Variants in RRAS2 observed in about 807,000 individuals in gnomAD.
RRAS2 encodes the protein ras-related protein R-Ras2.
RRAS2 carries 7 observed loss-of-function variants against 27.6 expected under a neutral mutation model. The observed-to-expected ratio is 0.25, with a 90% CI of 0.14 to 0.48. The LOEUF is 0.48. Among genes scored for constraint, RRAS2 ranks in the 20% least tolerant of loss-of-function variants. The pLI is 0.99. For synonymous variants in RRAS2, 86 were observed against 90.9 expected (o/e 0.95, Z 0.31); for missense variants, 178 against 256.2 (o/e 0.69, Z 2.08).
At chr11:14,279,595 T>A (rs1373655048) in intron 5 of RRAS2, among the ~76,000 whole-genome samples, 171 bp from the exon 6 acceptor site, 1 of 152,118 alleles carries the variant, frequency 6.6e-6, no homozygotes, top group Non-Finnish European at 1.5e-5. Context: ...CACAAACGCG[T>A]CAACACCAGC....
At position 14,346,804 on chromosome 11, in the gene RRAS2, T is replaced by C. The variant is rs1299801410; in HGVS notation, c.108+11959A>G. Among the ~76,000 whole-genome samples the C allele has an allele frequency of 5.9e-5, 9 of 152,286 alleles. No homozygotes were observed. The South Asian group carries it at 1.0e-3, about 18-fold the overall frequency. The stretch of plus-strand genomic sequence containing the variant: ...ATATTTAGTCATTCCACAATGTATA[T>C]ATACTTCAAAACACCCTGTTGTACA... On this transcript the variant is annotated intron_variant, in intron 1 of 5. Coordinates refer to ENST00000256196, the MANE Select transcript of RRAS2 (RefSeq NM_012250.6).
chr11:14,285,188 G>C (rs1055855817), intron 4 of RRAS2, among the ~76,000 whole-genome samples: 2 of 152,062 alleles, frequency 1.3e-5, no homozygotes, highest in African/African-American at 4.8e-5. Flanking sequence ...AGAATTTATG[G>C]TATACATTTT....
chr11:14,351,628 G>C (rs919405782), intron 1 of RRAS2, among the ~76,000 whole-genome samples: 1 of 152,092 alleles, frequency 6.6e-6, no homozygotes, highest in Admixed American at 6.6e-5. Context: ...TACTCGGGAG[G>C]CTGAGGCAGG....
chr11:14,290,373 C>T (rs568203773), intron 4 of RRAS2, among the ~76,000 whole-genome samples: 2 of 152,254 alleles, frequency 1.3e-5, no homozygotes, highest in South Asian at 2.1e-4. Context: ...CGCTTGAACC[C>T]GGGAGGTGGA....
intron 1 of RRAS2, among the ~76,000 whole-genome samples, chr11:14,337,324 G>A (rs1554952671): frequency 6.6e-6 from 1 of 152,122 alleles, no homozygotes. Flanking sequence ...CACTGACACT[G>A]TCTGCTCTGA....
chr11:14,319,621 G>A (rs1305967481), intron 1 of RRAS2, among the ~76,000 whole-genome samples: 1 of 151,262 alleles, frequency 6.6e-6, no homozygotes, highest in African/African-American at 2.4e-5. Context: ...GCCTCCCAAA[G>A]TGCTGGGATT....
At chr11:14,282,859 G>T (rs1392347901) in intron 4 of RRAS2, among the ~76,000 whole-genome samples, 1 of 152,076 alleles carries the variant, frequency 6.6e-6, no homozygotes, top group Non-Finnish European at 1.5e-5. Context: ...ACATAACCAT[G>T]TCATTTGCTA....
At chr11:14,360,963 C>T (rs908146347), upstream of RRAS2, among the ~76,000 whole-genome samples, 13 of 151,802 alleles carry the variant, frequency 8.6e-5, no homozygotes, top group Non-Finnish European at 8.8e-5. Context: ...CCATCACTCC[C>T]GGCCCTTCTT....
rs1416914623 is a variant in RRAS2 at position 14,359,166 on chromosome 11, C to T, written c.-296G>A. 2 of 1,013,748 alleles carry T rather than the reference C, an allele frequency of 2.0e-6. No homozygotes were observed. Among genetic ancestry groups the T allele is most frequent in the South Asian group, 9.3e-5 (2 of 21,558 alleles). The allele number at this position is 1,013,748 out of a possible 1,614,324, so 62.8% of individuals were successfully genotyped here. ...GCCTGCCGAACGCAGCCTCCAGCGC[C>T]GCCACAAATGGCCGTCTGGGGGCCG... On this transcript the variant is annotated 5_prime_UTR_variant, in exon 1 of 6. Transcript: ENST00000256196.
chr11:14,360,592 T>G (rs1554956092), upstream of RRAS2, among the ~76,000 whole-genome samples: 1 of 150,936 alleles, frequency 6.6e-6, no homozygotes, highest in Non-Finnish European at 1.5e-5. Context: ...AGAGACAAGG[T>G]CTCTCTATGT....
chr11:14,292,088 G>A lies in RRAS2; in HGVS notation c.408+2383C>T, dbSNP rs147161508. On this transcript the variant is annotated intron_variant, in intron 4 of 5. Coordinates refer to ENST00000256196, the MANE Select transcript of RRAS2 (RefSeq NM_012250.6). The stretch of plus-strand genomic sequence containing the variant: ...TGAAATTTTCCACTTGTGGAATCAT[G>A]TTGGCTCTCAAAAAGTTTCAGATTT... 4.7e-4 allele frequency among the ~76,000 whole-genome samples: 71 copies of A among 152,264 alleles called. 1 individual carries two copies. In the East Asian group the frequency reaches 0.013, roughly 28 times the overall value.
chr11:14,300,194 A>T (rs1478887140), intron 1 of RRAS2, among the ~76,000 whole-genome samples: 1 of 152,176 alleles, frequency 6.6e-6, no homozygotes, highest in East Asian at 1.9e-4. Flanking sequence ...GATAGACATG[A>T]AAGGATGTGT....
At chr11:14,333,764 T>C (rs930176230) in intron 1 of RRAS2, among the ~76,000 whole-genome samples, 2 of 151,988 alleles carry the variant, frequency 1.3e-5, no homozygotes, top group Non-Finnish European at 2.9e-5. Flanking sequence ...TAACCTCTGT[T>C]TCCCAAGTAG....
chr11:14,328,211 A>G (rs1848406103), intron 1 of RRAS2, among the ~76,000 whole-genome samples: 1 of 151,996 alleles, frequency 6.6e-6, no homozygotes, highest in African/African-American at 2.4e-5. Context: ...TACTAAAAAT[A>G]CAAAATTAGC....
At chr11:14,350,367 C>T (rs1427826619) in intron 1 of RRAS2, among the ~76,000 whole-genome samples, 1 of 152,040 alleles carries the variant, frequency 6.6e-6, no homozygotes, top group African/African-American at 2.4e-5. Context: ...TTATTAGTTC[C>T]ACCACAGCAG....
chr11:14,307,313 C>T (rs1847855438), intron 1 of RRAS2, among the ~76,000 whole-genome samples: 1 of 151,380 alleles, frequency 6.6e-6, no homozygotes, highest in African/African-American at 2.4e-5. Flanking sequence ...GACTATGAAG[C>T]ATCTCAATTT....
intron 4 of RRAS2, among the ~76,000 whole-genome samples, chr11:14,290,983 G>A (rs782056103): frequency 2.0e-5 from 3 of 152,214 alleles, no homozygotes; most frequent in Non-Finnish European, 4.4e-5. Flanking sequence ...AATTGCTGGG[G>A]TAATGTCCAT....
Position 14,351,911 on chromosome 11 carries a change from AAG to A in RRAS2, c.108+6850_108+6851del, listed in dbSNP as rs1491056838. 6.6e-5 allele frequency among the ~76,000 whole-genome samples: 10 copies of A among 151,728 alleles called. No homozygotes were observed. The East Asian group carries it at 1.9e-3, about 29-fold the overall frequency. ...CTCCGTCTCAAAAAAAAAAAAAAAA[AAG>A]AAGACAGCAAATGCCCTGGTTTTTC... On this transcript the variant is annotated intron_variant, in intron 1 of 5. Coordinates refer to ENST00000256196, the MANE Select transcript of RRAS2 (RefSeq NM_012250.6).
At chr11:14,312,505 G>A (rs1847996754) in intron 1 of RRAS2, among the ~76,000 whole-genome samples, 1 of 152,104 alleles carries the variant, frequency 6.6e-6, no homozygotes, top group South Asian at 2.1e-4. Flanking sequence ...CTGCTGGCTT[G>A]AACTCCTGGG....
Sources: allele counts gnomAD v4.1 joint callset (sites outside exome capture counted in the v4.1 genomes callset), GRCh38; gene constraint gnomAD v4.1.1; transcripts MANE v1.5; gene names NCBI Gene and HGNC (gene_info 2026-07-23, HGNC 2026-07-21).